The following ASB15 variants were observed in gnomAD, a reference collection of about 807,000 sequenced individuals.
ASB15 encodes the protein ankyrin repeat and SOCS box containing 15.
A neutral mutation model predicts 58.0 loss-of-function variants in ASB15; 54 were observed. That is an observed-to-expected ratio of 0.93 (90% CI 0.75 to 1.17). The LOEUF (loss-of-function observed/expected upper bound fraction) is 1.17. Ranked by LOEUF, ASB15 falls within the 50% of genes most tolerant of loss-of-function variation. The pLI is 0.00. For synonymous variants in ASB15, 249 were observed against 262.4 expected (o/e 0.95, Z 0.50); for missense variants, 680 against 707.4 (o/e 0.96, Z 0.44).
At chr7:123,586,665 C>T (rs1008429896) in intron 1 of ASB15, among the ~76,000 whole-genome samples, 1 of 151,574 alleles carries the variant, frequency 6.6e-6, no homozygotes, top group African/African-American at 2.4e-5. Context: ...CAGCCAACCC[C>T]ATTTTTCTTC....
chr7:123,628,574 A>C (rs754622751), intron 9 of ASB15, among the ~76,000 whole-genome samples: 3 of 152,146 alleles, frequency 2.0e-5, no homozygotes, highest in Non-Finnish European at 4.4e-5. Context: ...TTCAGAGGAG[A>C]ATTGGAAGAT....
chr7:123,601,728 A>T (rs1206600907), upstream of ASB15: 2 of 152,166 alleles, frequency 1.3e-5, no homozygotes, highest in East Asian at 3.8e-4. Flanking sequence ...TAGAGAAGTC[A>T]TGGGTAATAC....
At chr7:123,593,399 G>C (rs1419134673) in intron 1 of ASB15, among the ~76,000 whole-genome samples, 4 of 152,156 alleles carry the variant, frequency 2.6e-5, no homozygotes, top group African/African-American at 9.7e-5. Context: ...TGTTTTTGCA[G>C]TGGCTGGTAC....
At chr7:123,574,171 A>T (rs1284127595) in intron 1 of ASB15, among the ~76,000 whole-genome samples, 1 of 151,138 alleles carries the variant, frequency 6.6e-6, no homozygotes, top group Non-Finnish European at 1.5e-5. Flanking sequence ...CTTTTTTTAT[A>T]TAAAATTGAT....
intron 3 of ASB15, chr7:123,614,115 A>G (rs1800642354): frequency 5.9e-6 from 1 of 169,016 alleles, no homozygotes; most frequent in Admixed American, 6.4e-5. Context: ...CCCTCATTGG[A>G]TCAATTTTTA....
chr7:123,620,903 G>A (rs528765623), intron 7 of ASB15, among the ~76,000 whole-genome samples: 2 of 151,892 alleles, frequency 1.3e-5, no homozygotes, highest in South Asian at 4.2e-4. Context: ...TATGCCACAG[G>A]AGTGTTTGCA....
chr7:123,617,747 CTTTTTTT>C lies in ASB15; in HGVS notation c.451+11_451+17del. The C allele has an allele frequency of 6.3e-7, 1 of 1,594,974 alleles. No homozygotes were observed. The highest frequency in any genetic ancestry group is 1.1e-5 in the South Asian group (1 of 89,472). On this transcript the variant is annotated intron_variant, in intron 7 of 11. Transcript: ENST00000451215. ...ACCCCCCTTCTGATTGGTAAATGACCTTTTTTTCTAGAACTTTTATAGTTTGAAACAA... is the reference window on the plus strand; with the variant it reads ...ACCCCCCTTCTGATTGGTAAATGACCCTAGAACTTTTATAGTTTGAAACAA...
intron 1 of ASB15, among the ~76,000 whole-genome samples, chr7:123,582,458 C>CGAGTATATAGTT (rs1311950427): frequency 3.3e-5 from 5 of 151,982 alleles, no homozygotes; most frequent in Admixed American, 6.6e-5. Context: ...ATTCTTTACT[C>CGAGTATATAGTT]CAGTATATAG....
intron 1 of ASB15, chr7:123,596,289 C>G (rs918768077): frequency 6.6e-6 from 1 of 152,060 alleles, no homozygotes; most frequent in Admixed American, 6.6e-5. Flanking sequence ...AGAGTGACAT[C>G]TTTTAATGGT....
chr7:123,636,912 A>C lies in ASB15; in HGVS notation c.1698A>C (p.Pro566=), dbSNP rs775297320. The change falls in exon 12 of 12, where the codon CCA becomes CCC. Residue 566 remains proline, a synonymous_variant. Transcript: ENST00000451215. ...QPASVEKLPL[P]PAIQRYILFK... ...CCTCAGTGGAGAAGCTTCCTCTACC[A>C]CCAGCTATTCAAAGATACATATTAT... 1.3e-6 allele frequency: 2 copies of C among 1,592,352 alleles called. No individual in the cohort carries two copies. Among genetic ancestry groups the C allele is most frequent in the South Asian group, 2.2e-5 (2 of 90,594 alleles).
intron 1 of ASB15, among the ~76,000 whole-genome samples, chr7:123,573,129 T>C (rs548719044): frequency 3.5e-4 from 53 of 152,202 alleles, no homozygotes; most frequent in African/African-American, 1.2e-3. Flanking sequence ...TTCTTTTCTA[T>C]TATTGTCTAT....
chr7:123,630,225 C>A, intron 11 of ASB15, 106 bp downstream of exon 11: 1 of 782,026 alleles, frequency 1.3e-6, no homozygotes, highest in South Asian at 2.9e-5. Context: ...TACTGTATTT[C>A]CAGAATTATC....
At chr7:123,626,067 G>A (rs150419091) in intron 8 of ASB15, among the ~76,000 whole-genome samples, 1 of 152,250 alleles carries the variant, frequency 6.6e-6, no homozygotes, top group East Asian at 1.9e-4. Context: ...TACAGTTTGT[G>A]CTGTCTGATA....
At chr7:123,615,369 A>C (rs183357008) in intron 4 of ASB15, 1 of 152,284 alleles carries the variant, frequency 6.6e-6, no homozygotes, top group Non-Finnish European at 1.5e-5. Flanking sequence ...ACTTTTGAAG[A>C]GATCCAGTGT....
intron 8 of ASB15, among the ~76,000 whole-genome samples, chr7:123,625,498 C>T (rs1801714105): frequency 6.6e-6 from 1 of 152,166 alleles, no homozygotes; most frequent in South Asian, 2.1e-4. Flanking sequence ...ATCTTGTATC[C>T]TACACTCCAG....
At chr7:123,632,613 T>G (rs1422986409) in intron 11 of ASB15, among the ~76,000 whole-genome samples, 1 of 152,078 alleles carries the variant, frequency 6.6e-6, no homozygotes, top group Admixed American at 6.6e-5. Context: ...CCCTGAGTCC[T>G]CAAAGTCCAT....
intron 7 of ASB15, among the ~76,000 whole-genome samples, chr7:123,623,647 C>T (rs1054738293): frequency 2.6e-5 from 4 of 151,842 alleles, no homozygotes; most frequent in African/African-American, 9.7e-5. Flanking sequence ...GGGCAGATCA[C>T]GAGGTCAGGA....
At chr7:123,609,505 T>C (rs955892498) in intron 3 of ASB15, among the ~76,000 whole-genome samples, 9 of 152,206 alleles carry the variant, frequency 5.9e-5, no homozygotes, top group African/African-American at 1.7e-4. Flanking sequence ...AGCCCTTCCT[T>C]GCACCATGGA....
chr7:123,577,769 T>C (rs1799104979), intron 1 of ASB15, among the ~76,000 whole-genome samples: 1 of 152,128 alleles, frequency 6.6e-6, no homozygotes, highest in Non-Finnish European at 1.5e-5. Context: ...CCAGCTCATG[T>C]TTCTTCATCT....
Sources: gnomAD v4.1 joint callset for allele counts (sites outside exome capture counted in the v4.1 genomes callset) on GRCh38, gnomAD v4.1.1 for gene constraint, MANE v1.5 for transcripts, NCBI Gene and HGNC (gene_info 2026-07-23, HGNC 2026-07-21) for gene names.